HPSE2: variants seen among roughly 807,000 people sequenced by gnomAD.
The protein encoded by HPSE2 is inactive heparanase-2.
HPSE2 carries 38 observed loss-of-function variants against 60.5 expected under a neutral mutation model. The ratio of observed to expected loss-of-function variants is 0.63; its 90% CI spans 0.48 to 0.82. HPSE2 has a LOEUF of 0.82. HPSE2 is among the 40% of genes least tolerant of loss of function. The pLI is 0.00. For synonymous variants in HPSE2, 295 were observed against 293.2 expected (o/e 1.01, Z -0.06); for missense variants, 713 against 740.4 (o/e 0.96, Z 0.43).
At chr10:99,051,905 T>C (rs1589579169) in intron 3 of HPSE2, among the ~76,000 whole-genome samples, 2 of 151,790 alleles carry the variant, frequency 1.3e-5, no homozygotes, top group Admixed American at 1.3e-4. Context: ...AAGTCTACAC[T>C]AGTTTAAGGT....
chr10:99,156,189 CA>C (rs1846550031), intron 2 of HPSE2, among the ~76,000 whole-genome samples: 1 of 125,826 alleles, frequency 7.9e-6, no homozygotes, highest in African/African-American at 2.8e-5. Flanking sequence ...GAACTGGTAC[CA>C]TTCCTTCTGA....
chr10:98,457,639 T>G lies in HPSE2; in HGVS notation c.*1935A>C, dbSNP rs890288101. The G allele has an allele frequency of 2.2e-4, 34 of 152,018 alleles. No homozygotes were observed. The highest frequency in any genetic ancestry group is 8.3e-4 in the African/African-American group (34 of 41,174). 9.4% of individuals were successfully genotyped at this position (152,018 alleles called of 1,614,324 possible). On this transcript the variant is annotated 3_prime_UTR_variant, in exon 12 of 12. Transcript: ENST00000370552. ...GAACGACCTTTTAGTCTCATTTCTCTTTTCCTCTCTTTTCCTCACTTTGGC... is the reference window on the plus strand; with the variant it reads ...GAACGACCTTTTAGTCTCATTTCTCGTTTCCTCTCTTTTCCTCACTTTGGC...
At chr10:98,759,015 T>C (rs1307749118) in intron 3 of HPSE2, among the ~76,000 whole-genome samples, 2 of 152,106 alleles carry the variant, frequency 1.3e-5, no homozygotes, top group Non-Finnish European at 2.9e-5. Context: ...ACAAAAAGAA[T>C]GAGCTCATGT....
At chr10:98,792,593 G>A (rs1950679442) in intron 3 of HPSE2, among the ~76,000 whole-genome samples, 1 of 148,420 alleles carries the variant, frequency 6.7e-6, no homozygotes, top group Non-Finnish European at 1.5e-5. Context: ...TGGCATTTTT[G>A]TACATTTAAA....
the HPSE2 span, among the ~76,000 whole-genome samples, chr10:99,257,465 A>G: frequency 6.6e-6 from 1 of 152,092 alleles, no homozygotes; most frequent in African/African-American, 2.4e-5. Context: ...GCTGTCTTTT[A>G]TGGTCGAAGC....
intron 3 of HPSE2, among the ~76,000 whole-genome samples, chr10:98,768,840 C>G (rs1436686133): frequency 6.6e-6 from 1 of 152,106 alleles, no homozygotes; most frequent in African/African-American, 2.4e-5. Flanking sequence ...TACTTGAGGT[C>G]AGGAGTTCAA....
chr10:98,896,092 TAAAA>T (rs920580645), intron 3 of HPSE2, among the ~76,000 whole-genome samples: 3 of 149,518 alleles, frequency 2.0e-5, no homozygotes, highest in Non-Finnish European at 3.0e-5. Flanking sequence ...TAATAATAAT[TAAAA>T]AAAAGAAAAA....
chr10:98,726,165 G>T (rs1319144034), intron 4 of HPSE2, among the ~76,000 whole-genome samples: 3 of 152,120 alleles, frequency 2.0e-5, no homozygotes, highest in Admixed American at 6.6e-5. Flanking sequence ...AAATCATGCT[G>T]CTATAAAGAC....
At chr10:98,725,963 A>G (rs1949066343) in intron 4 of HPSE2, among the ~76,000 whole-genome samples, 1 of 152,158 alleles carries the variant, frequency 6.6e-6, no homozygotes, top group African/African-American at 2.4e-5. Flanking sequence ...TTAGAATGGC[A>G]ATCATTAAAA....
At chr10:98,950,645 A>G (rs188074878) in intron 3 of HPSE2, among the ~76,000 whole-genome samples, 4 of 152,298 alleles carry the variant, frequency 2.6e-5, no homozygotes, top group Non-Finnish European at 1.5e-5. Flanking sequence ...GAAACAATAT[A>G]ATTAATCTGG....
intron 3 of HPSE2, among the ~76,000 whole-genome samples, chr10:99,011,184 T>G (rs534621015): frequency 2.6e-5 from 4 of 152,216 alleles, no homozygotes; most frequent in Non-Finnish European, 1.5e-5. Flanking sequence ...TGTAAAACCA[T>G]GTAGACAAAT....
At chr10:99,072,254 C>A (rs576878388) in intron 3 of HPSE2, among the ~76,000 whole-genome samples, 1 of 152,132 alleles carries the variant, frequency 6.6e-6, no homozygotes, top group African/African-American at 2.4e-5. Context: ...GATTTCATGA[C>A]AAAATCACCA....
chr10:99,156,138 C>A (rs1846546698), intron 2 of HPSE2, among the ~76,000 whole-genome samples: 1 of 137,954 alleles, frequency 7.2e-6, no homozygotes, highest in South Asian at 2.7e-4. Flanking sequence ...AGTCCAGGAC[C>A]AGATGGATTC....
In HPSE2 at chr10:98,939,304, CA is replaced by C. The variant is rs1357901364; in HGVS notation, c.611-195249del. On this transcript the variant is annotated intron_variant, in intron 3 of 11. Coordinates refer to ENST00000370552, the MANE Select transcript of HPSE2 (RefSeq NM_021828.5). ...CACAGACTGGCAAATTGGATGGAGT[CA>C]AGACCCATCAGTGTGCTGTATTCAG... Among the ~76,000 whole-genome samples the C allele has an allele frequency of 1.2e-4, 17 of 143,194 alleles. 4 individuals carry two copies. Among genetic ancestry groups the C allele is most frequent in the African/African-American group, 4.9e-4 (17 of 35,040 alleles). 93.9% of individuals were successfully genotyped at this position (143,194 alleles called of 152,430 possible). A position where few individuals can be genotyped will look rare whatever the true frequency, so the allele number is the denominator to read the frequency against.
intron 3 of HPSE2, among the ~76,000 whole-genome samples, chr10:99,141,023 C>A (rs568900415): frequency 1.3e-5 from 2 of 152,228 alleles, no homozygotes; most frequent in Admixed American, 6.5e-5. Flanking sequence ...GGTGACAGAG[C>A]AAGACTCTGT....
intron 3 of HPSE2, among the ~76,000 whole-genome samples, chr10:99,114,499 C>T (rs1844594872): frequency 6.6e-6 from 1 of 152,194 alleles, no homozygotes; most frequent in Non-Finnish European, 1.5e-5. Flanking sequence ...ATCATCATCT[C>T]TTCAGATCTC....
At chr10:98,544,449 G>A (rs1215983003) in intron 9 of HPSE2, among the ~76,000 whole-genome samples, 1 of 152,048 alleles carries the variant, frequency 6.6e-6, no homozygotes, top group African/African-American at 2.4e-5. Context: ...GGTGGCTCAC[G>A]CCTGTAATCC....
intron 3 of HPSE2, among the ~76,000 whole-genome samples, chr10:98,919,509 A>G (rs980029546): frequency 2.0e-5 from 3 of 152,230 alleles, no homozygotes; most frequent in South Asian, 2.1e-4. Context: ...AGCTACTAAA[A>G]TAACCCAAGG....
chr10:98,805,746 GA>G (rs1217104928), intron 3 of HPSE2, among the ~76,000 whole-genome samples: 1 of 152,060 alleles, frequency 6.6e-6, no homozygotes, highest in Non-Finnish European at 1.5e-5. Context: ...AGACAATGCG[GA>G]AAGAAATTGT....
Sources: allele counts gnomAD v4.1 joint callset (sites outside exome capture counted in the v4.1 genomes callset), GRCh38; gene constraint gnomAD v4.1.1; transcripts MANE v1.5; gene names NCBI Gene and HGNC (gene_info 2026-07-23, HGNC 2026-07-21).